Variants in ERICH2 observed in about 807,000 individuals in gnomAD.
ERICH2 encodes the protein glutamate rich 2.
In ERICH2, 17 loss-of-function variants were observed where a neutral mutation model predicts 17.4. The observed-to-expected ratio is 0.98, with a 90% CI of 0.67 to 1.47. The LOEUF (loss-of-function observed/expected upper bound fraction) is 1.47, where lower values mean the gene tolerates loss of function less well. Among genes scored for constraint, ERICH2 ranks in the 40% most tolerant of loss-of-function variants. The probability of loss-of-function intolerance (pLI) is 0.00; values close to 1 mark genes in which losing one functional copy is unlikely to be tolerated. For missense variants in ERICH2, 186 were observed against 183.2 expected (o/e 1.01, Z -0.09); for synonymous variants, 51 against 61.1 (o/e 0.83, Z 0.77).
At chr2:170,778,595 A>G in the ERICH2 span, among the ~76,000 whole-genome samples, 6 of 152,120 alleles carry the variant, frequency 3.9e-5, no homozygotes, top group African/African-American at 1.4e-4. Flanking sequence ...TCAGTGACAG[A>G]GGACCTTATT....
intron 3 of ERICH2, among the ~76,000 whole-genome samples, chr2:170,794,630 A>C (rs1559256463): frequency 6.6e-6 from 1 of 152,166 alleles, no homozygotes; most frequent in Non-Finnish European, 1.5e-5. Flanking sequence ...TTTTCTTCTA[A>C]CATATTAGTG....
At chr2:170,791,150 G>A (rs1336821023) in intron 2 of ERICH2, among the ~76,000 whole-genome samples, 1 of 152,016 alleles carries the variant, frequency 6.6e-6, no homozygotes, top group Non-Finnish European at 1.5e-5. Flanking sequence ...TCTTAACCTA[G>A]ACAAGAATAG....
intron 2 of ERICH2, 128 bp downstream of exon 7, chr2:170,784,961 G>A: frequency 2.7e-6 from 2 of 746,712 alleles, no homozygotes; most frequent in East Asian, 3.1e-5. Context: ...ATAGAATGGT[G>A]GTTACCAGAA....
chr2:170,796,437 T>TTTTTTG (rs1553569086), intron 3 of ERICH2, among the ~76,000 whole-genome samples: 1 of 21,672 alleles, frequency 4.6e-5, no homozygotes, highest in Non-Finnish European at 1.2e-4. Flanking sequence ...TGTTTTTTTT[T>TTTTTTG]TTGTTTTTTT....
chr2:170,796,571 G>A (rs1701429371), intron 3 of ERICH2, among the ~76,000 whole-genome samples: 1 of 151,966 alleles, frequency 6.6e-6, no homozygotes, highest in Non-Finnish European at 1.5e-5. Flanking sequence ...AAGGAGCTGG[G>A]ACTACAAGCA....
intron 2 of ERICH2, among the ~76,000 whole-genome samples, chr2:170,787,311 G>A (rs904222440): frequency 1.4e-5 from 2 of 145,856 alleles, no homozygotes; most frequent in Non-Finnish European, 3.0e-5. Flanking sequence ...TTGGACTTCG[G>A]TAAATATTTG....
chr2:170,775,288 C>T, the ERICH2 span, among the ~76,000 whole-genome samples: 10 of 151,874 alleles, frequency 6.6e-5, no homozygotes, highest in Admixed American at 3.9e-4. Flanking sequence ...AAAAAATAGC[C>T]GGATGTGGTG....
At chr2:170,796,774 C>T (rs1472894876) in intron 3 of ERICH2, among the ~76,000 whole-genome samples, 1 of 152,152 alleles carries the variant, frequency 6.6e-6, no homozygotes, top group East Asian at 1.9e-4. Context: ...ATGAAGAGCA[C>T]ACTTGATGTT....
intron 4 of ERICH2, among the ~76,000 whole-genome samples, 158 bp from the exon 10 acceptor site, chr2:170,798,612 T>C (rs1701487312): frequency 6.6e-6 from 1 of 152,234 alleles, no homozygotes; most frequent in South Asian, 2.1e-4. Flanking sequence ...ATTTCTTCTT[T>C]GTACTACCAT....
chr2:170,790,350 G>T (rs1307788954), intron 2 of ERICH2, among the ~76,000 whole-genome samples: 6 of 152,182 alleles, frequency 3.9e-5, no homozygotes. Flanking sequence ...CAAACAGCCA[G>T]GCATGGTGCC....
At chr2:170,794,361 G>C (rs1701367800) in intron 3 of ERICH2, among the ~76,000 whole-genome samples, 1 of 152,090 alleles carries the variant, frequency 6.6e-6, no homozygotes, top group South Asian at 2.1e-4. Context: ...TCCTGCCTCA[G>C]CCTCCCAAAG....
At chr2:170,798,663 T>C (rs1051194445) in intron 4 of ERICH2, 107 bp from the exon 10 acceptor site, 3 of 1,362,992 alleles carry the variant, frequency 2.2e-6, no homozygotes, top group African/African-American at 1.5e-5. Flanking sequence ...TCAGTTCTTA[T>C]GTTACAAATA....
chr2:170,778,537 T>G, the ERICH2 span, among the ~76,000 whole-genome samples: 2 of 151,976 alleles, frequency 1.3e-5, no homozygotes, highest in Non-Finnish European at 2.9e-5. Flanking sequence ...ATATTACATA[T>G]TATATAATAC....
chr2:170,798,663 T>A (rs1051194445), intron 4 of ERICH2, 107 bp from the exon 10 acceptor site: 49 of 1,362,990 alleles, frequency 3.6e-5, no homozygotes, highest in Non-Finnish European at 4.6e-5. Context: ...TCAGTTCTTA[T>A]GTTACAAATA....
chr2:170,778,797 A>G (rs1204811071), upstream of ERICH2, among the ~76,000 whole-genome samples: 1 of 152,206 alleles, frequency 6.6e-6, no homozygotes, highest in Non-Finnish European at 1.5e-5. Flanking sequence ...TAGATCATAG[A>G]TGAAAAGAAA....
chr2:170,771,615 G>T, the ERICH2 span, among the ~76,000 whole-genome samples: 1 of 152,182 alleles, frequency 6.6e-6, no homozygotes, highest in Non-Finnish European at 1.5e-5. This position sits in a 1 kb window ranked among gnomAD's most constrained non-coding sequence, Gnocchi z 4.8. Flanking sequence ...CCCTTGCCCG[G>T]AATTCTTTTA....
chr2:170,784,871 A>C, intron 2 of ERICH2, 38 bp downstream of exon 7: 1 of 1,352,444 alleles, frequency 7.4e-7, no homozygotes, highest in South Asian at 2.0e-5. Flanking sequence ...AGAAACTTTA[A>C]AATATTGAAA....
chr2:170,781,480 A>G (rs1196698358), upstream of ERICH2, among the ~76,000 whole-genome samples: 3 of 152,042 alleles, frequency 2.0e-5, no homozygotes, highest in Non-Finnish European at 4.4e-5. Context: ...CTAAAAATAG[A>G]AAAATTAGCC....
rs1701444390 is a variant in ERICH2 at position 170,797,080 on chromosome 2, C to T, written c.275-961C>T. Reference sequence around the variant, plus strand: ...GATCAGCAGAAAGGAATAAATAGTACTGAAAACAATGGGTCCAATGAAGGT... The same window carrying T: ...GATCAGCAGAAAGGAATAAATAGTATTGAAAACAATGGGTCCAATGAAGGT... On this transcript the variant is annotated intron_variant, in intron 3 of 4. Transcript: ENST00000409885. Among the ~76,000 whole-genome samples, 7 of 152,132 alleles carry T rather than the reference C, an allele frequency of 4.6e-5. No homozygotes were observed. In the South Asian group the frequency reaches 1.4e-3, roughly 32 times the overall value.
Sources: gnomAD v4.1 joint callset for allele counts (sites outside exome capture counted in the v4.1 genomes callset) on GRCh38, gnomAD v4.1.1 for gene constraint, Gnocchi (gnomAD v3.1) non-coding constraint, MANE v1.5 for transcripts, NCBI Gene and HGNC (gene_info 2026-07-23, HGNC 2026-07-21) for gene names.